MECOM: variants seen among roughly 807,000 people sequenced by gnomAD.
MECOM encodes the protein MDS1 and EVI1 complex locus.
Under a neutral mutation model 116.3 loss-of-function variants are expected in MECOM, and 13 were observed. That is an observed-to-expected ratio of 0.11 (90% CI 0.07 to 0.18). MECOM has a LOEUF of 0.18. MECOM is among the 10% of genes least tolerant of loss of function. The pLI, the probability that MECOM is intolerant of heterozygous loss-of-function variation, is 1.00. For missense variants in MECOM, 1,299 were observed against 1,509.0 expected (o/e 0.86, Z 2.31); for synonymous variants, 528 against 535.2 (o/e 0.99, Z 0.19).
chr3:169,317,632 C>G (rs1022165258), intron 2 of MECOM, among the ~76,000 whole-genome samples: 1 of 152,208 alleles, frequency 6.6e-6, no homozygotes, highest in Non-Finnish European at 1.5e-5. Context: ...ACAGCTACTT[C>G]CCTTATCTCT....
chr3:169,186,858 G>A (rs138755841), intron 2 of MECOM, among the ~76,000 whole-genome samples: 6 of 152,128 alleles, frequency 3.9e-5, no homozygotes, highest in African/African-American at 1.4e-4. Context: ...TCGTCTTTAC[G>A]TAGGTTAGTC....
intron 1 of MECOM, among the ~76,000 whole-genome samples, chr3:169,429,916 T>A (rs1741333422): frequency 6.6e-6 from 1 of 152,132 alleles, no homozygotes; most frequent in Non-Finnish European, 1.5e-5. Context: ...TGTTGCAGAG[T>A]CCCACTGTCT....
In MECOM at chr3:169,611,976, G is replaced by A. The variant is rs1010689396; in HGVS notation, c.37+51360C>T. Among the ~76,000 whole-genome samples the A allele has an allele frequency of 3.9e-5, 6 of 152,144 alleles. No individual in the cohort carries two copies. Among genetic ancestry groups the A allele is most frequent in the Admixed American group, 1.3e-4 (2 of 15,272 alleles). On this transcript the variant is annotated intron_variant, in intron 1 of 16. Coordinates refer to ENST00000651503, the MANE Select transcript of MECOM (RefSeq NM_004991.4). The surrounding 1 kb of genome is among the most constrained non-coding windows in gnomAD (Gnocchi z 4.1). ...TCTTTGTGATGGGGAGCTGTCCCGT[G>A]CATTATAAAATATTGAGCAGTGTGT...
intron 2 of MECOM, among the ~76,000 whole-genome samples, chr3:169,210,134 T>C (rs952363043): frequency 6.6e-6 from 1 of 151,760 alleles, no homozygotes; most frequent in African/African-American, 2.4e-5. Context: ...ATGTTCTCAC[T>C]CATAAGTGGG....
intron 1 of MECOM, among the ~76,000 whole-genome samples, chr3:169,474,675 C>T (rs987426120): frequency 2.6e-5 from 4 of 152,062 alleles, no homozygotes; most frequent in African/African-American, 9.7e-5. Flanking sequence ...TAATCCTCCA[C>T]CAAAGAAGAG....
intron 2 of MECOM, among the ~76,000 whole-genome samples, chr3:169,247,657 G>A (rs1755764469): frequency 6.6e-6 from 1 of 152,132 alleles, no homozygotes; most frequent in South Asian, 2.1e-4. Flanking sequence ...TGATGTAATT[G>A]CATTTCAAGT....
intron 1 of MECOM, among the ~76,000 whole-genome samples, chr3:169,543,202 C>T (rs563529106): frequency 6.6e-6 from 1 of 152,190 alleles, no homozygotes; most frequent in Non-Finnish European, 1.5e-5. Flanking sequence ...GGTCATTATT[C>T]CATGCCTTGT....
At chr3:169,487,034 G>T (rs115905704) in intron 1 of MECOM, among the ~76,000 whole-genome samples, 3,734 of 151,826 alleles carry the variant, frequency 0.025, 125 homozygotes, top group African/African-American at 0.075. Context: ...GATATCTCAT[G>T]TCTTTCTTTT....
chr3:169,131,077 C>T (rs1412545399), intron 4 of MECOM, among the ~76,000 whole-genome samples: 1 of 152,130 alleles, frequency 6.6e-6, no homozygotes, highest in African/African-American at 2.4e-5. Flanking sequence ...GAAACATCCC[C>T]TTGATTTAGG....
intron 1 of MECOM, among the ~76,000 whole-genome samples, chr3:169,655,088 G>T (rs1222944708): frequency 1.4e-5 from 2 of 147,964 alleles, no homozygotes; most frequent in South Asian, 2.1e-4. Flanking sequence ...CAGATTTGTG[G>T]CTTCTCTTAA....
At chr3:169,463,329 A>G (rs753863162) in intron 1 of MECOM, among the ~76,000 whole-genome samples, 16 of 152,162 alleles carry the variant, frequency 1.1e-4, no homozygotes, top group African/African-American at 3.9e-4. Context: ...TTCCCTAGGC[A>G]TACTTAGTTT....
intron 1 of MECOM, among the ~76,000 whole-genome samples, chr3:169,621,545 T>C (rs1214130700): frequency 1.3e-5 from 2 of 152,106 alleles, no homozygotes; most frequent in African/African-American, 4.8e-5. Flanking sequence ...TTACCTGAGG[T>C]CAGGAGTTCA....
At chr3:169,210,801 T>C (rs1750624224) in intron 2 of MECOM, among the ~76,000 whole-genome samples, 5 of 152,128 alleles carry the variant, frequency 3.3e-5, no homozygotes, top group Admixed American at 3.3e-4. Flanking sequence ...TAATTATTGA[T>C]TATTATAGAT....
chr3:169,231,336 A>C (rs1753370346), intron 2 of MECOM, among the ~76,000 whole-genome samples: 1 of 152,194 alleles, frequency 6.6e-6, no homozygotes, highest in African/African-American at 2.4e-5. Context: ...ACTGGGGATA[A>C]GGAAGTCTAC....
intron 1 of MECOM, among the ~76,000 whole-genome samples, chr3:169,652,326 A>G (rs1424056115): frequency 6.6e-6 from 1 of 152,200 alleles, no homozygotes; most frequent in Non-Finnish European, 1.5e-5. Context: ...ATCATGAAAC[A>G]TTTTATTACT....
At position 169,663,699 on chromosome 3, in the gene MECOM, T is replaced by G; in HGVS notation, c.-327A>C. The stretch of plus-strand genomic sequence containing the variant: ...TTCGCACATGCGCGCTAGACGCCCC[T>G]CCAACATCTCAGCGCCGCCAAAAAA... On this transcript the variant is annotated 5_prime_UTR_variant, in exon 1 of 17. Transcript: ENST00000651503. 2 of 356,584 alleles carry G rather than the reference T, an allele frequency of 5.6e-6. No individual in the cohort carries two copies. Among genetic ancestry groups the G allele is most frequent in the South Asian group, 1.1e-4 (1 of 8,732 alleles). The allele number at this position is 356,584 out of a possible 1,614,324, so 22.1% of individuals were successfully genotyped here. A position where few individuals can be genotyped will look rare whatever the true frequency, so the allele number is the denominator to read the frequency against.
At chr3:169,478,397 T>C (rs1750795378) in intron 1 of MECOM, among the ~76,000 whole-genome samples, 1 of 152,140 alleles carries the variant, frequency 6.6e-6, no homozygotes, top group South Asian at 2.1e-4. Context: ...CCACCTAGAG[T>C]AACCAGCCTA....
At chr3:169,093,978 T>A (rs753552739) in intron 13 of MECOM, among the ~76,000 whole-genome samples, 3 of 152,220 alleles carry the variant, frequency 2.0e-5, no homozygotes, top group Non-Finnish European at 4.4e-5. Flanking sequence ...TTAACCTTTT[T>A]TCTTAAAATA....
rs761156365 is a variant in MECOM, at chr3:169,211,888, G to A, written c.376-68056C>T. On this transcript the variant is annotated intron_variant, in intron 2 of 16. Coordinates refer to ENST00000651503, the MANE Select transcript of MECOM (RefSeq NM_004991.4). The stretch of plus-strand genomic sequence containing the variant: ...ATCTCAAATTTAGTTTCCTTAGTAC[G>A]GAACTTTTGAAGTACCCTCCTCCCT... 6.6e-5 allele frequency among the ~76,000 whole-genome samples: 10 copies of A among 151,880 alleles called. No individual in the cohort carries two copies. The East Asian group carries it at 9.7e-4, about 15-fold the overall frequency.
Sources: gnomAD v4.1 joint callset for allele counts (sites outside exome capture counted in the v4.1 genomes callset) on GRCh38, gnomAD v4.1.1 for gene constraint, Gnocchi (gnomAD v3.1) non-coding constraint, MANE v1.5 for transcripts, NCBI Gene and HGNC (gene_info 2026-07-23, HGNC 2026-07-21) for gene names.